The following CPQ variants were observed in gnomAD, a reference collection of about 807,000 sequenced individuals.
CPQ encodes the protein carboxypeptidase Q.
CPQ carries 37 observed loss-of-function variants against 45.7 expected under a neutral mutation model. The observed-to-expected ratio is 0.81, with a 90% CI of 0.62 to 1.07. The LOEUF is 1.07. Among genes scored for constraint, CPQ ranks in the 50% least tolerant of loss-of-function variants. The pLI is 0.00. For synonymous variants in CPQ, 186 were observed against 205.8 expected (o/e 0.90, Z 0.82); for missense variants, 537 against 572.9 (o/e 0.94, Z 0.64).
In CPQ at chr8:97,099,416, C is replaced by A. The variant is rs146992664; in HGVS notation, c.1255+33206C>A. On this transcript the variant is annotated intron_variant, in intron 7 of 7. Coordinates refer to ENST00000220763, the MANE Select transcript of CPQ (RefSeq NM_016134.4). ...AAAATGCTGGGATTACAGGCGTGAGCCACCATGCCTGGCCCCAAAACTCCC... is the reference window on the plus strand; with the variant it reads ...AAAATGCTGGGATTACAGGCGTGAGACACCATGCCTGGCCCCAAAACTCCC... Among the ~76,000 whole-genome samples the A allele has an allele frequency of 7.0e-3, 1,060 of 151,918 alleles. 13 individuals are homozygous for A. Among genetic ancestry groups the A allele is most frequent in the African/African-American group, 0.024 (999 of 41,420 alleles).
At chr8:97,034,226 T>G (rs1191509863) in intron 6 of CPQ, among the ~76,000 whole-genome samples, 3 of 152,218 alleles carry the variant, frequency 2.0e-5, no homozygotes, top group African/African-American at 7.2e-5. Flanking sequence ...TAGCAGTTAC[T>G]AAGTAAATAA....
intron 6 of CPQ, among the ~76,000 whole-genome samples, chr8:97,058,073 T>C (rs575388484): frequency 2.6e-5 from 4 of 152,192 alleles, no homozygotes; most frequent in East Asian, 1.9e-4. Flanking sequence ...TTGTAAAGAG[T>C]ACTTGATCAA....
chr8:97,122,981 T>TAAAATAAAATA lies in CPQ; in HGVS notation c.1256-20039_1256-20038insAAAATAAAATA. ...TAAAATAAAATAAAATAAAATAAAA[T>TAAAATAAAATA]TAAAATAAAATAAAATAAAATATAA... On this transcript the variant is annotated intron_variant, in intron 7 of 7. Transcript: ENST00000220763. Among the ~76,000 whole-genome samples, 113 of 24,264 alleles carry TAAAATAAAATA rather than the reference T, an allele frequency of 4.7e-3. 10 individuals carry two copies. The highest frequency in any genetic ancestry group is 6.4e-3 in the Non-Finnish European group (92 of 14,470). 15.9% of individuals were successfully genotyped at this position (24,264 alleles called of 152,430 possible).
At chr8:96,664,961 T>C (rs1489759958) in intron 1 of CPQ, among the ~76,000 whole-genome samples, 1 of 152,198 alleles carries the variant, frequency 6.6e-6, no homozygotes, top group Admixed American at 6.5e-5. Flanking sequence ...AGATCATCCA[T>C]ATGACAGCAA....
At chr8:97,032,573 C>G (rs1809926842) in intron 6 of CPQ, among the ~76,000 whole-genome samples, 1 of 152,186 alleles carries the variant, frequency 6.6e-6, no homozygotes, top group Non-Finnish European at 1.5e-5. Context: ...CTGACCCACT[C>G]TAGGGTCTTC....
intron 1 of CPQ, among the ~76,000 whole-genome samples, chr8:96,690,080 T>C (rs1809286071): frequency 6.6e-6 from 1 of 152,120 alleles, no homozygotes; most frequent in African/African-American, 2.4e-5. Flanking sequence ...CTTATTTTAC[T>C]TGGGCTCTTG....
chr8:96,768,428 G>C (rs781530035), intron 1 of CPQ, among the ~76,000 whole-genome samples: 1 of 152,088 alleles, frequency 6.6e-6, no homozygotes, highest in African/African-American at 2.4e-5. Context: ...CTCTGTGTTC[G>C]TATTGCAGGG....
intron 1 of CPQ, among the ~76,000 whole-genome samples, chr8:96,655,735 C>T (rs981932297): frequency 6.6e-6 from 1 of 152,160 alleles, no homozygotes; most frequent in Non-Finnish European, 1.5e-5. Context: ...TGAGTTGAAC[C>T]ATCATAAGTG....
intron 5 of CPQ, among the ~76,000 whole-genome samples, 159 bp from the exon 6 acceptor site, chr8:97,029,244 G>A (rs1809852073): frequency 6.6e-6 from 1 of 152,174 alleles, no homozygotes; most frequent in South Asian, 2.1e-4. Context: ...TTGCTCCTTT[G>A]CTGTGCTGGC....
intron 7 of CPQ, among the ~76,000 whole-genome samples, chr8:97,113,900 G>T (rs1811541543): frequency 6.6e-6 from 1 of 152,176 alleles, no homozygotes; most frequent in Non-Finnish European, 1.5e-5. Flanking sequence ...AACACTTAGG[G>T]TTTGTATTGT....
chr8:97,003,716 G>A (rs1013010075), intron 5 of CPQ, among the ~76,000 whole-genome samples: 5 of 152,134 alleles, frequency 3.3e-5, no homozygotes, highest in Admixed American at 6.6e-5. Flanking sequence ...TCATCTGCTT[G>A]GAAGGGGCCT....
At chr8:96,965,296 C>A (rs1215012535) in intron 4 of CPQ, among the ~76,000 whole-genome samples, 3 of 151,200 alleles carry the variant, frequency 2.0e-5, no homozygotes, top group African/African-American at 7.3e-5. Flanking sequence ...TTTCAAGCTT[C>A]ATTTTTATAT....
At chr8:97,063,630 T>TA (rs1810589317) in intron 6 of CPQ, among the ~76,000 whole-genome samples, 1 of 152,142 alleles carries the variant, frequency 6.6e-6, no homozygotes, top group Non-Finnish European at 1.5e-5. Context: ...TAATCAATCT[T>TA]TAGTTGATTT....
chr8:97,035,755 T>C (rs941657332), intron 6 of CPQ, among the ~76,000 whole-genome samples: 2 of 152,178 alleles, frequency 1.3e-5, no homozygotes, highest in Admixed American at 1.3e-4. Flanking sequence ...TCGCCCAGGC[T>C]GGAGTGCAGT....
At chr8:97,007,399 C>T (rs1449478600) in intron 5 of CPQ, among the ~76,000 whole-genome samples, 1 of 152,192 alleles carries the variant, frequency 6.6e-6, no homozygotes, top group Non-Finnish European at 1.5e-5. Flanking sequence ...AAATAACATG[C>T]AAATGCCACT....
chr8:97,088,507 A>G (rs919690622), intron 7 of CPQ, among the ~76,000 whole-genome samples: 6 of 152,334 alleles, frequency 3.9e-5, no homozygotes, highest in Middle Eastern at 6.8e-3. Context: ...ATGGCATTTT[A>G]AAAACCAGCA....
At chr8:96,827,494 T>G (rs1336236748) in intron 2 of CPQ, among the ~76,000 whole-genome samples, 1 of 152,168 alleles carries the variant, frequency 6.6e-6, no homozygotes. Flanking sequence ...GGCTTGGTAT[T>G]TACTGAAGTC....
intron 3 of CPQ, among the ~76,000 whole-genome samples, chr8:96,876,999 G>A (rs945789832): frequency 6.6e-6 from 1 of 152,132 alleles, no homozygotes; most frequent in Non-Finnish European, 1.5e-5. Flanking sequence ...AATTTATAGA[G>A]GATTGTTATT....
chr8:97,027,268 T>A (rs1809819749), intron 5 of CPQ, among the ~76,000 whole-genome samples: 1 of 152,196 alleles, frequency 6.6e-6, no homozygotes, highest in South Asian at 2.1e-4. Flanking sequence ...GCAGGTGGTT[T>A]GACTCGGTGG....
Sources: allele counts gnomAD v4.1 joint callset (sites outside exome capture counted in the v4.1 genomes callset), GRCh38; gene constraint gnomAD v4.1.1; transcripts MANE v1.5; gene names NCBI Gene and HGNC (gene_info 2026-07-23, HGNC 2026-07-21).